LTBP1: variants seen among roughly 807,000 people sequenced by gnomAD.
The protein encoded by LTBP1 is latent transforming growth factor beta binding protein 1, also known as latent-transforming growth factor beta-binding protein 1.
LTBP1 carries 129 observed loss-of-function variants against 207.6 expected under a neutral mutation model. The observed-to-expected ratio is 0.62, with a 90% CI of 0.54 to 0.72. The LOEUF (loss-of-function observed/expected upper bound fraction) is 0.72. Among genes scored for constraint, LTBP1 ranks in the 30% least tolerant of loss-of-function variants. The pLI, the probability that LTBP1 is intolerant of heterozygous loss-of-function variation, is 0.00. For synonymous variants in LTBP1, 963 were observed against 833.7 expected (o/e 1.16, Z -2.67); for missense variants, 2,281 against 2,217.2 (o/e 1.03, Z -0.58).
intron 7 of LTBP1, among the ~76,000 whole-genome samples, chr2:33,194,369 G>A (rs1314103693): frequency 6.6e-6 from 1 of 152,138 alleles, no homozygotes; most frequent in Admixed American, 6.6e-5. Flanking sequence ...CCAAAAGCTA[G>A]GCCTTTGCAT....
chr2:33,173,180 C>G (rs1052126145), intron 5 of LTBP1, among the ~76,000 whole-genome samples: 2 of 151,918 alleles, frequency 1.3e-5, no homozygotes, highest in African/African-American at 4.8e-5. Flanking sequence ...GAAATAGAGA[C>G]ACAAAAAACC....
intron 5 of LTBP1, among the ~76,000 whole-genome samples, chr2:33,150,066 G>A (rs10432657): frequency 0.54 from 82,532 of 151,902 alleles, 22,629 homozygotes; most frequent in Middle Eastern, 0.62. Context: ...CCTCTTTGGG[G>A]CCAAAACACT....
At chr2:33,059,067 G>A (rs1468736665) in intron 3 of LTBP1, among the ~76,000 whole-genome samples, 3 of 152,186 alleles carry the variant, frequency 2.0e-5, no homozygotes, top group Admixed American at 6.5e-5. Context: ...TACAGGAGCA[G>A]AAGGAAAAGG....
intron 15 of LTBP1, among the ~76,000 whole-genome samples, chr2:33,267,318 G>A (rs1336291206): frequency 6.6e-6 from 1 of 152,222 alleles, no homozygotes; most frequent in South Asian, 2.1e-4. Context: ...CAGCCTGCTG[G>A]GCTGAGTGGG....
intron 2 of LTBP1, among the ~76,000 whole-genome samples, chr2:33,005,148 A>G (rs1686647686): frequency 6.6e-6 from 1 of 152,182 alleles, no homozygotes; most frequent in African/African-American, 2.4e-5. Context: ...CTTTGGGAAG[A>G]TTCAGTTATT....
intron 3 of LTBP1, among the ~76,000 whole-genome samples, chr2:33,033,218 G>T (rs568085073): frequency 3.4e-5 from 5 of 148,692 alleles, no homozygotes; most frequent in East Asian, 2.0e-4. Context: ...AGTGTAAGTG[G>T]TTTTTTTTTT....
chr2:33,026,127 A>G (rs981587290), intron 3 of LTBP1, among the ~76,000 whole-genome samples: 1 of 152,220 alleles, frequency 6.6e-6, no homozygotes, highest in African/African-American at 2.4e-5. Flanking sequence ...TTGTTGCAGT[A>G]CTGATAGTTA....
At chr2:33,186,017 C>G (rs776221525) in intron 5 of LTBP1, among the ~76,000 whole-genome samples, 95 of 152,284 alleles carry the variant, frequency 6.2e-4, no homozygotes, top group Non-Finnish European at 9.6e-4. Flanking sequence ...TATAACTCCT[C>G]TTAAAATTCT....
intron 31 of LTBP1, among the ~76,000 whole-genome samples, chr2:33,383,837 C>G (rs912080894): frequency 2.0e-5 from 3 of 152,166 alleles, no homozygotes; most frequent in Non-Finnish European, 4.4e-5. Flanking sequence ...GCGCCCAGCC[C>G]TGACCTGTTT....
intron 8 of LTBP1, among the ~76,000 whole-genome samples, chr2:33,218,762 G>C (rs1460950993): frequency 6.6e-6 from 1 of 152,142 alleles, no homozygotes; most frequent in African/African-American, 2.4e-5. Context: ...TATTCATCAT[G>C]TTTTTGCCAA....
At chr2:33,269,606 G>C (rs779691505) in intron 15 of LTBP1, among the ~76,000 whole-genome samples, 1 of 152,176 alleles carries the variant, frequency 6.6e-6, no homozygotes, top group Non-Finnish European at 1.5e-5. Context: ...TGTGAGGCTT[G>C]ACTCTGGTGT....
At chr2:33,329,187 C>T (rs1016116058) in intron 24 of LTBP1, among the ~76,000 whole-genome samples, 2 of 152,114 alleles carry the variant, frequency 1.3e-5, no homozygotes, top group African/African-American at 4.8e-5. Context: ...ATTGTCATTC[C>T]TCTTAAGGTT....
chr2:33,277,317 G>A (rs1043065937), intron 18 of LTBP1, among the ~76,000 whole-genome samples: 11 of 152,062 alleles, frequency 7.2e-5, no homozygotes, highest in Non-Finnish European at 1.3e-4. Flanking sequence ...CGAGGGCCAC[G>A]AGGCTACAGA....
intron 6 of LTBP1, 131 bp from the exon 7 acceptor site, chr2:33,188,446 A>AAAAAAAT: frequency 1.5e-6 from 1 of 654,644 alleles, no homozygotes; most frequent in Non-Finnish European, 2.5e-6. Flanking sequence ...AAAAAAAAAG[A>AAAAAAAT]ATTTTGATGG....
intron 12 of LTBP1, 28 bp downstream of exon 12, chr2:33,257,539 T>C (rs2092897922): frequency 1.3e-6 from 2 of 1,557,960 alleles, no homozygotes; most frequent in Non-Finnish European, 1.8e-6. Flanking sequence ...TCATGGACTC[T>C]AGACATCTAT....
At chr2:33,146,924 T>C (rs1298901173) in intron 5 of LTBP1, among the ~76,000 whole-genome samples, 2 of 152,352 alleles carry the variant, frequency 1.3e-5, no homozygotes, top group East Asian at 3.9e-4. Flanking sequence ...AAATCCAAAC[T>C]ATATCATTAC....
Position 33,398,679 on chromosome 2 carries a change from C to T in LTBP1, c.*134C>T. On this transcript the variant is annotated 3_prime_UTR_variant, in exon 34 of 34. Coordinates refer to ENST00000404816, the MANE Select transcript of LTBP1 (RefSeq NM_206943.4). ...GAAACAGCATGGAATTGCAAGTCCT[C>T]TGAAGACAATGAGAGGATTTAGGAT... is the stretch of plus-strand genomic sequence containing the variant. 1 of 807,544 alleles carries T rather than the reference C, an allele frequency of 1.2e-6. No individual in the cohort carries two copies. Among genetic ancestry groups the T allele is most frequent in the South Asian group, 2.1e-5 (1 of 47,714 alleles). The allele number at this position is 807,544 out of a possible 1,614,324, so 50.0% of individuals were successfully genotyped here. A position where few individuals can be genotyped will look rare whatever the true frequency, so the allele number is the denominator to read the frequency against.
intron 31 of LTBP1, among the ~76,000 whole-genome samples, chr2:33,369,730 AG>A (rs2095045124): frequency 6.6e-6 from 1 of 152,158 alleles, no homozygotes; most frequent in Admixed American, 6.5e-5. Flanking sequence ...TGGTAGACAC[AG>A]GGGAACTTTT....
At chr2:33,228,321 C>T (rs974466479) in intron 9 of LTBP1, among the ~76,000 whole-genome samples, 1 of 152,108 alleles carries the variant, frequency 6.6e-6, no homozygotes, top group African/African-American at 2.4e-5. Context: ...TATCAGTTAT[C>T]TCCATTAGCC....
Sources: gnomAD v4.1 joint callset for allele counts (sites outside exome capture counted in the v4.1 genomes callset) on GRCh38, gnomAD v4.1.1 for gene constraint, MANE v1.5 for transcripts, NCBI Gene and HGNC (gene_info 2026-07-23, HGNC 2026-07-21) for gene names.